HOOK3: variants seen among roughly 807,000 people sequenced by gnomAD.
HOOK3 encodes protein Hook homolog 3.
In HOOK3, 24 loss-of-function variants were observed where a neutral mutation model predicts 116.3. The ratio of observed to expected loss-of-function variants is 0.21; its 90% CI spans 0.15 to 0.29. The LOEUF (loss-of-function observed/expected upper bound fraction) is 0.29. HOOK3 is among the 10% of genes least tolerant of loss of function. The probability of loss-of-function intolerance (pLI) is 1.00; values close to 1 mark genes in which losing one functional copy is unlikely to be tolerated. For synonymous variants in HOOK3, 275 were observed against 283.0 expected (o/e 0.97, Z 0.28); for missense variants, 632 against 830.2 (o/e 0.76, Z 2.93).
At chr8:43,002,441 A>G (rs1367109391) in intron 17 of HOOK3, among the ~76,000 whole-genome samples, 3 of 152,226 alleles carry the variant, frequency 2.0e-5, no homozygotes, top group African/African-American at 7.2e-5. Flanking sequence ...ATAAGGGGTC[A>G]GATAGTAATT....
chr8:42,966,642 C>G (rs530751107), intron 10 of HOOK3, 29 bp downstream of exon 10: 1 of 1,606,540 alleles, frequency 6.2e-7, no homozygotes, highest in African/African-American at 1.3e-5. Context: ...CCGCCCAGCA[C>G]AGTTTGGCTC....
At chr8:42,986,570 C>G in intron 14 of HOOK3, 85 bp from the exon 15 acceptor site, 2 of 1,008,298 alleles carry the variant, frequency 2.0e-6, no homozygotes, top group Non-Finnish European at 2.8e-6. Context: ...TGTAAGAGTG[C>G]TTAGCTGGAT....
chr8:42,992,952 T>A (rs1809195804), intron 15 of HOOK3, among the ~76,000 whole-genome samples: 1 of 152,154 alleles, frequency 6.6e-6, no homozygotes, highest in Admixed American at 6.5e-5. Flanking sequence ...GGGTCTCTCG[T>A]ATGTAACTTT....
intron 2 of HOOK3, among the ~76,000 whole-genome samples, chr8:42,922,054 C>T (rs1807666931): frequency 1.3e-5 from 2 of 152,268 alleles, no homozygotes; most frequent in Admixed American, 6.5e-5. Flanking sequence ...TATGATTATC[C>T]ACGTGCTAAA....
chr8:43,010,378 CA>C lies in HOOK3; in HGVS notation c.1818del (p.Lys606AsnfsTer3). On this transcript the variant is annotated frameshift_variant, in exon 19 of 22. Coordinates refer to ENST00000307602, the MANE Select transcript of HOOK3 (RefSeq NM_032410.4). LOFTEE classifies it high-confidence loss of function. ...EEMKQMEERY[K>X]KYLEKAKSVI... ...AAATGAAGCAAATGGAAGAACGATA[CA>C]AAAAATACTTAGAGAAAGCCAAAAG... The C allele has an allele frequency of 4.8e-6, 7 of 1,469,528 alleles. No individual in the cohort carries two copies. The highest frequency in any genetic ancestry group is 1.4e-5 in the South Asian group (1 of 70,666). 91.0% of individuals were successfully genotyped at this position (1,469,528 alleles called of 1,614,324 possible).
intron 10 of HOOK3, 90 bp from the exon 11 acceptor site, chr8:42,967,923 G>T (rs1396133165): frequency 1.5e-5 from 11 of 730,798 alleles, no homozygotes; most frequent in Non-Finnish European, 2.4e-5. Context: ...TTCATTAGAT[G>T]TGTGTTTCCT....
chr8:43,006,419 A>G (rs574401783), intron 17 of HOOK3, among the ~76,000 whole-genome samples: 7 of 151,810 alleles, frequency 4.6e-5, no homozygotes, highest in African/African-American at 1.7e-4. Context: ...GGTTCAAGCA[A>G]TTCTCCCACC....
chr8:42,914,240 A>G (rs1360471044), intron 2 of HOOK3, among the ~76,000 whole-genome samples: 2 of 152,102 alleles, frequency 1.3e-5, no homozygotes, highest in Admixed American at 6.5e-5. Flanking sequence ...TTTCCCAACA[A>G]TTTGGGTGGA....
intron 6 of HOOK3, among the ~76,000 whole-genome samples, 177 bp from the exon 7 acceptor site, chr8:42,956,917 G>T (rs1808447438): frequency 6.6e-6 from 1 of 152,164 alleles, no homozygotes; most frequent in African/African-American, 2.4e-5. Flanking sequence ...TTATTCTGGA[G>T]TGGGGACAAA....
intron 2 of HOOK3, among the ~76,000 whole-genome samples, chr8:42,917,355 C>G (rs969591548): frequency 7.9e-5 from 12 of 152,272 alleles, no homozygotes; most frequent in African/African-American, 2.6e-4. Flanking sequence ...AGTCATTGGT[C>G]ATGTGATTGA....
At chr8:42,980,729 C>T (rs573009697) in intron 13 of HOOK3, among the ~76,000 whole-genome samples, 1 of 152,158 alleles carries the variant, frequency 6.6e-6, no homozygotes, top group South Asian at 2.1e-4. Flanking sequence ...ACTAAAATTA[C>T]AAGAACTATC....
chr8:42,906,152 C>CG lies in HOOK3; in HGVS notation c.58-21_58-20insG, dbSNP rs766350098. On this transcript the variant is annotated intron_variant, in intron 1 of 21. Coordinates refer to ENST00000307602, the MANE Select transcript of HOOK3 (RefSeq NM_032410.4). ...AGGTAACCACAGAATCTCTCCCCCC[C>CG]CCCTCTTTTTTTCCCTTCAGATCCA... is the stretch of plus-strand genomic sequence containing the variant. The CG allele has an allele frequency of 2.7e-6, 3 of 1,101,920 alleles. No homozygotes were observed. In the South Asian group the frequency reaches 3.7e-5, roughly 14 times the overall value. 68.3% of individuals were successfully genotyped at this position (1,101,920 alleles called of 1,614,324 possible).
Position 42,945,530 on chromosome 8 carries a change from C to T in HOOK3, c.400+2085C>T, listed in dbSNP as rs533333313. ...TTCATCATGTTGGTCAGGCTGGTCT[C>T]AAACTCCTGACCTCAAGTGATCCAC... On this transcript the variant is annotated intron_variant, in intron 5 of 21. Transcript: ENST00000307602. 3.1e-3 allele frequency among the ~76,000 whole-genome samples: 472 copies of T among 152,262 alleles called. 3 individuals are homozygous for T. Among genetic ancestry groups the T allele is most frequent in the Middle Eastern group, 6.8e-3 (2 of 294 alleles).
At chr8:42,979,302 C>A (rs374056245) in intron 13 of HOOK3, among the ~76,000 whole-genome samples, 2 of 152,118 alleles carry the variant, frequency 1.3e-5, no homozygotes, top group Non-Finnish European at 2.9e-5. Flanking sequence ...CTTTTAAGTA[C>A]ATCAGACTTC....
rs187872537 is a variant in HOOK3 at position 43,024,992 on chromosome 8, G to T, written c.*6494G>T. 2 of 203,160 alleles carry T rather than the reference G, an allele frequency of 9.8e-6. No homozygotes were observed. The highest frequency in any genetic ancestry group is 7.6e-5 in the East Asian group (1 of 13,122). The allele number at this position is 203,160 out of a possible 1,614,324, so 12.6% of individuals were successfully genotyped here. A position where few individuals can be genotyped will look rare whatever the true frequency, so the allele number is the denominator to read the frequency against. On this transcript the variant is annotated 3_prime_UTR_variant, in exon 22 of 22. Transcript: ENST00000307602. ...AGCCTTTTATCAAACCATTTCACAT[G>T]TATTATCTATATGACTATAGAAACT... is the stretch of plus-strand genomic sequence containing the variant.
At chr8:42,910,565 A>G (rs1390026631) in intron 2 of HOOK3, among the ~76,000 whole-genome samples, 2 of 152,220 alleles carry the variant, frequency 1.3e-5, no homozygotes, top group Non-Finnish European at 2.9e-5. Context: ...CTGTTGTTGA[A>G]TGTCTTGTAA....
Position 42,897,083 on chromosome 8 carries a change from C to CGGCGGTGTCTGGCCAGGCGGTA in HOOK3, c.-44_-23dup. On this transcript the variant is annotated 5_prime_UTR_variant, in exon 1 of 22. Transcript: ENST00000307602. ...GCCCCCGGATCCCCCGACAGAGCGGCGGCGGTGTCTGGCCAGGCGGTAGGC... is the reference window on the plus strand; with the variant it reads ...GCCCCCGGATCCCCCGACAGAGCGGCGGCGGTGTCTGGCCAGGCGGTAGGCGGTGTCTGGCCAGGCGGTAGGC... 8.1e-7 allele frequency: 1 copy of CGGCGGTGTCTGGCCAGGCGGTA among 1,227,158 alleles called. No homozygotes were observed. The highest frequency in any genetic ancestry group is 1.0e-6 in the Non-Finnish European group (1 of 977,062). The allele number at this position is 1,227,158 out of a possible 1,614,324, so 76.0% of individuals were successfully genotyped here.
intron 4 of HOOK3, among the ~76,000 whole-genome samples, chr8:42,941,877 C>G (rs978833480): frequency 3.3e-5 from 5 of 152,150 alleles, no homozygotes; most frequent in Non-Finnish European, 5.9e-5. Context: ...CGTATCCCCC[C>G]ACCTATAACT....
chr8:42,970,617 G>A (rs1158631583), intron 11 of HOOK3, among the ~76,000 whole-genome samples: 2 of 152,040 alleles, frequency 1.3e-5, no homozygotes, highest in Non-Finnish European at 2.9e-5. Context: ...CTTTTTAAAT[G>A]CAGTTAGATA....
Sources: gnomAD v4.1 joint callset for allele counts (sites outside exome capture counted in the v4.1 genomes callset) on GRCh38, gnomAD v4.1.1 for gene constraint, MANE v1.5 for transcripts, NCBI Gene and HGNC (gene_info 2026-07-23, HGNC 2026-07-21) for gene names.